Variants in LRRC8B observed in about 807,000 individuals in gnomAD.
LRRC8B encodes volume-regulated anion channel subunit LRRC8B.
A neutral mutation model predicts 58.8 loss-of-function variants in LRRC8B; 23 were observed. The observed-to-expected ratio is 0.39, with a 90% CI of 0.28 to 0.55. LRRC8B has a LOEUF of 0.55. Among genes scored for constraint, LRRC8B ranks in the 20% least tolerant of loss-of-function variants. The pLI, the probability that LRRC8B is intolerant of heterozygous loss-of-function variation, is 0.62. For synonymous variants in LRRC8B, 359 were observed against 374.1 expected (o/e 0.96, Z 0.47); for missense variants, 694 against 936.0 (o/e 0.74, Z 3.37).
At chr1:89,557,937 G>A (rs1652314753) in intron 1 of LRRC8B, among the ~76,000 whole-genome samples, 1 of 152,148 alleles carries the variant, frequency 6.6e-6, no homozygotes, top group Admixed American at 6.5e-5. Context: ...AGCAGTGACT[G>A]CTGCTGACCA....
chr1:89,557,821 T>G (rs1390818952), intron 1 of LRRC8B, among the ~76,000 whole-genome samples: 1 of 152,234 alleles, frequency 6.6e-6, no homozygotes, highest in Non-Finnish European at 1.5e-5. Flanking sequence ...TGGGGAACAT[T>G]GAAATTAGGA....
At chr1:89,563,423 A>G (rs1036837224) in intron 1 of LRRC8B, among the ~76,000 whole-genome samples, 5 of 152,188 alleles carry the variant, frequency 3.3e-5, no homozygotes, top group Admixed American at 6.5e-5. Context: ...TTAACTTTTT[A>G]AAAACATTGC....
chr1:89,586,926 A>G (rs1027610410), intron 5 of LRRC8B, among the ~76,000 whole-genome samples: 3 of 152,196 alleles, frequency 2.0e-5, no homozygotes, highest in Admixed American at 6.5e-5. Flanking sequence ...CTCTGATGGA[A>G]TACTTTAGCC....
chr1:89,563,553 G>C (rs1652836943), intron 1 of LRRC8B, among the ~76,000 whole-genome samples: 2 of 152,068 alleles, frequency 1.3e-5, no homozygotes, highest in African/African-American at 4.8e-5. Flanking sequence ...TGTGATATAT[G>C]GTGAGAACTG....
chr1:89,590,688 C>T (rs956319562), intron 5 of LRRC8B, among the ~76,000 whole-genome samples: 1 of 152,220 alleles, frequency 6.6e-6, no homozygotes, highest in African/African-American at 2.4e-5. Context: ...TCAGGGTAAT[C>T]ACCCAGTAGG....
At chr1:89,539,463 G>A (rs893463040) in intron 1 of LRRC8B, among the ~76,000 whole-genome samples, 3 of 152,148 alleles carry the variant, frequency 2.0e-5, no homozygotes, top group Non-Finnish European at 4.4e-5. Flanking sequence ...CAACATTGTG[G>A]GGGTATAGGG....
chr1:89,570,561 G>C (rs1011837263), intron 3 of LRRC8B, among the ~76,000 whole-genome samples: 5 of 151,792 alleles, frequency 3.3e-5, no homozygotes, highest in African/African-American at 1.2e-4. Context: ...CTTTTTTATG[G>C]GGTTGTTTTT....
chr1:89,562,494 C>T, intron 1 of LRRC8B, among the ~76,000 whole-genome samples: 1 of 151,614 alleles, frequency 6.6e-6, no homozygotes, highest in East Asian at 1.9e-4. Context: ...CTTTCCGAGA[C>T]TTGGTCTCAC....
chr1:89,560,518 CAATG>C (rs1652555718), intron 1 of LRRC8B, among the ~76,000 whole-genome samples: 6 of 151,184 alleles, frequency 4.0e-5, no homozygotes, highest in Non-Finnish European at 1.5e-5. Flanking sequence ...GTATATCTCC[CAATG>C]CTATCCCTCC....
chr1:89,525,288 A>T (rs529409525), intron 1 of LRRC8B, among the ~76,000 whole-genome samples: 2 of 152,254 alleles, frequency 1.3e-5, no homozygotes, highest in Admixed American at 1.3e-4. Context: ...CATTTGGAGC[A>T]AGAGGTGTGG....
intron 1 of LRRC8B, among the ~76,000 whole-genome samples, chr1:89,562,899 A>G (rs979112053): frequency 3.3e-5 from 5 of 152,200 alleles, no homozygotes; most frequent in African/African-American, 9.7e-5. Flanking sequence ...GCTATCTAGC[A>G]TGTCAACCTT....
At chr1:89,552,379 G>C (rs1278386899) in intron 1 of LRRC8B, among the ~76,000 whole-genome samples, 1 of 135,412 alleles carries the variant, frequency 7.4e-6, no homozygotes, top group African/African-American at 2.9e-5. Context: ...ATCCTACTTA[G>C]TATCCATCTT....
In LRRC8B at chr1:89,592,985, TC is replaced by T. The variant is rs753084732; in HGVS notation, c.2355del (p.Asn786IlefsTer7). 6.2e-7 allele frequency: 1 copy of T among 1,614,062 alleles called. No homozygotes were observed. Among genetic ancestry groups the T allele is most frequent in the South Asian group, 1.1e-5 (1 of 91,082 alleles). ...RNCLIVEENL[L>X]NTLPLPVTER... ...TGTCTGATTGTTGAGGAGAACTTGCTCAATACTCTTCCTCTCCCTGTAACAG... is the reference window on the plus strand; with the variant it reads ...TGTCTGATTGTTGAGGAGAACTTGCTAATACTCTTCCTCTCCCTGTAACAG... On this transcript the variant is annotated frameshift_variant, in exon 6 of 6. Transcript: ENST00000330947. LOFTEE classifies it high-confidence loss of function.
intron 5 of LRRC8B, among the ~76,000 whole-genome samples, chr1:89,585,774 G>GC (rs1654580964): frequency 6.6e-6 from 1 of 151,606 alleles, no homozygotes; most frequent in Admixed American, 6.6e-5. Context: ...CACCACTCAA[G>GC]CACTCAAGCC....
intron 5 of LRRC8B, among the ~76,000 whole-genome samples, 179 bp from the exon 6 acceptor site, chr1:89,592,592 C>T (rs956108274): frequency 6.6e-5 from 10 of 151,996 alleles, no homozygotes; most frequent in African/African-American, 2.4e-4. Context: ...CCTCATTGTA[C>T]TCCTGTCTTC....
chr1:89,571,335 C>T (rs1287679636), intron 3 of LRRC8B, among the ~76,000 whole-genome samples: 2 of 152,122 alleles, frequency 1.3e-5, no homozygotes, highest in Non-Finnish European at 2.9e-5. Flanking sequence ...GATACAGATT[C>T]TTCTTATCCA....
chr1:89,595,728 G>C lies in LRRC8B; in HGVS notation c.*2685G>C, dbSNP rs949236733. ...AGGTAGCCCTGATGCAAGGAAAAAT[G>C]AGGCTACTACTTCACATAAAAAATA... On this transcript the variant is annotated 3_prime_UTR_variant, in exon 6 of 6. Coordinates refer to ENST00000330947, the MANE Select transcript of LRRC8B (RefSeq NM_001369817.2). The C allele has an allele frequency of 6.6e-6, 1 of 152,106 alleles. No individual in the cohort carries two copies. Among genetic ancestry groups the C allele is most frequent in the Admixed American group, 6.5e-5 (1 of 15,276 alleles). 9.4% of individuals were successfully genotyped at this position (152,106 alleles called of 1,614,324 possible).
intron 2 of LRRC8B, 50 bp from the exon 3 acceptor site, chr1:89,568,389 C>T (rs1653193899): frequency 6.6e-6 from 1 of 152,106 alleles, no homozygotes; most frequent in South Asian, 2.1e-4. Context: ...AATTATCTTG[C>T]AGTCCTATGA....
At chr1:89,559,364 G>A (rs1020701509) in intron 1 of LRRC8B, among the ~76,000 whole-genome samples, 3 of 152,010 alleles carry the variant, frequency 2.0e-5, no homozygotes, top group East Asian at 3.9e-4. Flanking sequence ...AGTACTTCCT[G>A]CCGGGTGCGG....
Sources: gnomAD v4.1 joint callset for allele counts (sites outside exome capture counted in the v4.1 genomes callset) on GRCh38, gnomAD v4.1.1 for gene constraint, MANE v1.5 for transcripts, NCBI Gene and HGNC (gene_info 2026-07-23, HGNC 2026-07-21) for gene names.